The following CHSY3 variants were observed in gnomAD, a reference collection of about 807,000 sequenced individuals.
CHSY3 encodes the protein N-acetylgalactosaminyl-proteoglycan 3-beta-glucuronosyltransferase 3.
In CHSY3, 35 loss-of-function variants were observed where a neutral mutation model predicts 67.2. The ratio of observed to expected loss-of-function variants is 0.52; its 90% CI spans 0.40 to 0.69. CHSY3 has a LOEUF of 0.69. Ranked by LOEUF, CHSY3 falls within the 30% of genes least tolerant of loss-of-function variation. The pLI is 0.00. For missense variants in CHSY3, 1,069 were observed against 1,138.5 expected, an observed-to-expected ratio of 0.94 and a Z score of 0.88; for synonymous variants, 474 against 434.7, an observed-to-expected ratio of 1.09 and a Z score of -1.12.
At chr5:129,965,698 G>A (rs879741272) in intron 2 of CHSY3, among the ~76,000 whole-genome samples, 1 of 151,786 alleles carries the variant, frequency 6.6e-6, no homozygotes, top group Non-Finnish European at 1.5e-5. Context: ...ATTGATAAAG[G>A]GTAATTGTCT....
At chr5:130,167,931 T>C (rs1478737522) in intron 2 of CHSY3, among the ~76,000 whole-genome samples, 1 of 152,036 alleles carries the variant, frequency 6.6e-6, no homozygotes, top group African/African-American at 2.4e-5. Flanking sequence ...TAATCCAATA[T>C]CAGACTGGGA....
chr5:130,162,504 C>G (rs1769586743), intron 2 of CHSY3, among the ~76,000 whole-genome samples: 2 of 152,100 alleles, frequency 1.3e-5, no homozygotes. Context: ...TAAAGCCATA[C>G]AGCAAACTCC....
chr5:129,919,968 T>C (rs1395410063), intron 2 of CHSY3, among the ~76,000 whole-genome samples: 2 of 152,152 alleles, frequency 1.3e-5, no homozygotes, highest in Non-Finnish European at 2.9e-5. Flanking sequence ...ACATTCAAGA[T>C]TTACTCTTAG....
At chr5:129,920,381 G>C (rs189142247) in intron 2 of CHSY3, among the ~76,000 whole-genome samples, 1 of 152,332 alleles carries the variant, frequency 6.6e-6, no homozygotes, top group Non-Finnish European at 1.5e-5. Flanking sequence ...GAGTAGCTAA[G>C]ATTACAGACA....
At chr5:130,015,442 C>T (rs1764192232) in intron 2 of CHSY3, among the ~76,000 whole-genome samples, 1 of 152,042 alleles carries the variant, frequency 6.6e-6, no homozygotes, top group African/African-American at 2.4e-5. Context: ...ACAGACACTT[C>T]ACAAAAGAAG....
chr5:130,077,434 C>T (rs537950290), intron 2 of CHSY3, among the ~76,000 whole-genome samples: 1 of 152,164 alleles, frequency 6.6e-6, no homozygotes, highest in South Asian at 2.1e-4. Flanking sequence ...CTCTGTGAAC[C>T]TAAGGATGGG....
intron 2 of CHSY3, among the ~76,000 whole-genome samples, chr5:129,992,285 C>A (rs1393518034): frequency 6.6e-6 from 1 of 152,180 alleles, no homozygotes; most frequent in Admixed American, 6.5e-5. Flanking sequence ...TAGTACATTA[C>A]TTTGGCATTC....
chr5:129,992,047 C>A (rs965094379), intron 2 of CHSY3, among the ~76,000 whole-genome samples: 1 of 152,136 alleles, frequency 6.6e-6, no homozygotes, highest in Non-Finnish European at 1.5e-5. Flanking sequence ...GAAGAAAGAA[C>A]CTTTTAATTA....
At chr5:130,056,616 ATACC>A (rs1765539075) in intron 2 of CHSY3, among the ~76,000 whole-genome samples, 1 of 152,194 alleles carries the variant, frequency 6.6e-6, no homozygotes, top group South Asian at 2.1e-4. Context: ...AAGTCTGCAA[ATACC>A]TATCACAAAA....
intron 2 of CHSY3, among the ~76,000 whole-genome samples, chr5:130,105,525 T>A (rs1347588217): frequency 6.6e-6 from 1 of 151,740 alleles, no homozygotes; most frequent in African/African-American, 2.4e-5. Flanking sequence ...CAAAGTGGCA[T>A]GGAATTTAGC....
chr5:130,079,655 G>A (rs1055212327), intron 2 of CHSY3, among the ~76,000 whole-genome samples: 2 of 152,056 alleles, frequency 1.3e-5, no homozygotes, highest in Admixed American at 6.6e-5. Flanking sequence ...CTAGCTGCCT[G>A]GCTTAAGGCA....
chr5:130,035,895 T>G (rs887362510), intron 2 of CHSY3, among the ~76,000 whole-genome samples: 3 of 147,762 alleles, frequency 2.0e-5, no homozygotes, highest in Non-Finnish European at 4.5e-5. Context: ...TGTTTTTTTT[T>G]TTTTTTTTTT....
chr5:130,125,059 T>C (rs1768219546), intron 2 of CHSY3, among the ~76,000 whole-genome samples: 1 of 152,080 alleles, frequency 6.6e-6, no homozygotes, highest in African/African-American at 2.4e-5. Flanking sequence ...TGGGGGAGAA[T>C]TGCTTGAGCT....
intron 2 of CHSY3, among the ~76,000 whole-genome samples, chr5:130,009,503 C>CA (rs571596807): frequency 0.028 from 3,853 of 139,302 alleles, 157 homozygotes; most frequent in African/African-American, 0.093. Context: ...TACTGGCCAC[C>CA]AAAAAAAAAA....
At chr5:130,087,773 A>T (rs1280207269) in intron 2 of CHSY3, among the ~76,000 whole-genome samples, 13 of 151,764 alleles carry the variant, frequency 8.6e-5, no homozygotes, top group Non-Finnish European at 1.8e-4. Flanking sequence ...AATCAATATC[A>T]TGAAAATGGC....
At chr5:130,026,733 C>A (rs1764553868) in intron 2 of CHSY3, among the ~76,000 whole-genome samples, 1 of 151,956 alleles carries the variant, frequency 6.6e-6, no homozygotes, top group Non-Finnish European at 1.5e-5. Context: ...AAAAATTTGC[C>A]TTCCTTCTGC....
At chr5:130,012,059 C>T (rs1764079037) in intron 2 of CHSY3, among the ~76,000 whole-genome samples, 1 of 152,136 alleles carries the variant, frequency 6.6e-6, no homozygotes, top group Non-Finnish European at 1.5e-5. Context: ...CTCTTTGTAC[C>T]AACTACCCAT....
rs145322935 is a variant in CHSY3 at position 130,132,613 on chromosome 5, G to A, written c.1087-51616G>A. On this transcript the variant is annotated intron_variant, in intron 2 of 2. Transcript: ENST00000305031. Reference sequence around the variant, plus strand: ...TATCCTCTCTCTGTTTTAGCAACTGGATCTGATTAGGGTAGCAAGAATGAC... The same window carrying A: ...TATCCTCTCTCTGTTTTAGCAACTGAATCTGATTAGGGTAGCAAGAATGAC... Among the ~76,000 whole-genome samples, 32 of 152,244 alleles carry A rather than the reference G, an allele frequency of 2.1e-4. No individual in the cohort carries two copies. In the East Asian group the frequency reaches 2.7e-3, roughly 13 times the overall value.
intron 2 of CHSY3, among the ~76,000 whole-genome samples, chr5:129,988,286 T>C (rs1031881373): frequency 2.6e-5 from 4 of 152,228 alleles, no homozygotes; most frequent in Non-Finnish European, 4.4e-5. Context: ...GTGATGAGTA[T>C]GCAGGATGAA....
Sources: allele counts gnomAD v4.1 joint callset (sites outside exome capture counted in the v4.1 genomes callset), GRCh38; gene constraint gnomAD v4.1.1; transcripts MANE v1.5; gene names NCBI Gene and HGNC (gene_info 2026-07-23, HGNC 2026-07-21).